Variants in ETS2 observed in about 807,000 individuals in gnomAD.
ETS2 encodes the protein ETS proto-oncogene 2, transcription factor.
A neutral mutation model predicts 54.9 loss-of-function variants in ETS2; 19 were observed. That is an observed-to-expected ratio of 0.35 (90% CI 0.24 to 0.51). ETS2 has a LOEUF of 0.51. ETS2 is among the 20% of genes least tolerant of loss of function. ETS2 has a pLI of 0.97. For missense variants in ETS2, 417 were observed against 593.0 expected (o/e 0.70, Z 3.08); for synonymous variants, 219 against 229.3 (o/e 0.95, Z 0.41).
chr21:38,809,861 C>T, intron 1 of ETS2, 174 bp from the exon 2 acceptor site: 2 of 543,916 alleles, frequency 3.7e-6, no homozygotes, highest in East Asian at 3.6e-5. Flanking sequence ...CTGAGAAATG[C>T]TTTCCTCTTG....
intron 3 of ETS2, among the ~76,000 whole-genome samples, chr21:38,813,446 T>C (rs1287852609): frequency 1.3e-5 from 2 of 151,976 alleles, no homozygotes; most frequent in African/African-American, 4.8e-5. Context: ...GACAGAAGAG[T>C]AGACATTAAA....
At chr21:38,817,142 T>A in intron 6 of ETS2, 51 bp downstream of exon 6, 2 of 1,229,744 alleles carry the variant, frequency 1.6e-6, no homozygotes, top group Non-Finnish European at 2.4e-6. Flanking sequence ...GTCTTCCCAG[T>A]AGACTTGGAA....
In ETS2 at chr21:38,812,987, C is replaced by G; in HGVS notation, c.73-16C>G. ...TAAATATTGTATTTCCATTTTTTTT[C>G]CATCTGTTTTTGCAGCGCCAGCCAG... On this transcript the variant is annotated splice_polypyrimidine_tract_variant and intron_variant, in intron 2 of 9. Transcript: ENST00000360938. The G allele has an allele frequency of 6.4e-7, 1 of 1,554,516 alleles. No individual in the cohort carries two copies. The highest frequency in any genetic ancestry group is 8.9e-7 in the Non-Finnish European group (1 of 1,129,432).
rs977794888 is a variant in ETS2 at position 38,821,511 on chromosome 21, A to G, written c.1076-75A>G. ...CTGCATTCCTAAATCAGCATGTACAATTAGGATGGTTAAAGACTTGCTGTA... is the reference window on the plus strand; with the variant it reads ...CTGCATTCCTAAATCAGCATGTACAGTTAGGATGGTTAAAGACTTGCTGTA... On this transcript the variant is annotated intron_variant, in intron 8 of 9. Coordinates refer to ENST00000360938, the MANE Select transcript of ETS2 (RefSeq NM_005239.6). The surrounding 1 kb of genome is among the most constrained non-coding windows in gnomAD (Gnocchi z 4.2). 9.4e-7 allele frequency: 1 copy of G among 1,065,572 alleles called. No homozygotes were observed. Among genetic ancestry groups the G allele is most frequent in the Admixed American group, 1.7e-5 (1 of 58,000 alleles). 66.0% of individuals were successfully genotyped at this position (1,065,572 alleles called of 1,614,324 possible).
intron 1 of ETS2, 57 bp from the exon 2 acceptor site, chr21:38,809,978 A>T: frequency 8.9e-7 from 1 of 1,128,944 alleles, no homozygotes; most frequent in South Asian, 1.5e-5. Flanking sequence ...GCCACCAATG[A>T]TGAGTTTAGT....
chr21:38,822,176 G>A (rs1030154115), intron 9 of ETS2, among the ~76,000 whole-genome samples: 5 of 152,180 alleles, frequency 3.3e-5, no homozygotes, highest in South Asian at 4.1e-4. Context: ...TACCAACCCC[G>A]CCAGAAAAGC....
intron 1 of ETS2, among the ~76,000 whole-genome samples, chr21:38,808,360 G>A (rs2060901238): frequency 6.6e-6 from 1 of 152,222 alleles, no homozygotes; most frequent in South Asian, 2.1e-4. Flanking sequence ...TGATTGTTGA[G>A]TGAATATAAG....
In ETS2 at chr21:38,810,113, G is replaced by T; in HGVS notation, c.72+7G>T. ...TTACAGAGGGACACTCAAGGTGAGTGGGCAAGTCTTAATTTTTTTTTTTAA... is the reference window on the plus strand; with the variant it reads ...TTACAGAGGGACACTCAAGGTGAGTTGGCAAGTCTTAATTTTTTTTTTTAA... On this transcript the variant is annotated splice_region_variant and intron_variant, in intron 2 of 9. Transcript: ENST00000360938. 1 of 1,502,346 alleles carries T rather than the reference G, an allele frequency of 6.7e-7. No homozygotes were observed. Among genetic ancestry groups the T allele is most frequent in the Non-Finnish European group, 8.9e-7 (1 of 1,127,484 alleles). The allele number at this position is 1,502,346 out of a possible 1,614,324, so 93.1% of individuals were successfully genotyped here.
Position 38,806,007 on chromosome 21 carries a change from C to A in ETS2, c.-114C>A. On this transcript the variant is annotated 5_prime_UTR_variant, in exon 1 of 10. Transcript: ENST00000360938. The surrounding 1 kb of genome is among the most constrained non-coding windows in gnomAD (Gnocchi z 4.3). ...CGGAGCCGCCCGGCCAGCGTCCGGC[C>A]TCCCTGATCGTCTCTGGCCGGCGCC... The A allele has an allele frequency of 7.9e-7, 1 of 1,262,808 alleles. No individual in the cohort carries two copies. The highest frequency in any genetic ancestry group is 1.0e-6 in the Non-Finnish European group (1 of 978,686). 78.2% of individuals were successfully genotyped at this position (1,262,808 alleles called of 1,614,324 possible).
chr21:38,819,752 T>G lies in ETS2; in HGVS notation c.1061T>G (p.Leu354Arg). The G allele has an allele frequency of 2.5e-6, 4 of 1,613,186 alleles. No homozygotes were observed. Among genetic ancestry groups the G allele is most frequent in the Non-Finnish European group, 3.4e-6 (4 of 1,179,710 alleles). ...AAACCAGTTATACCTGCAGCTGTGC[T>G]GGCCGGCTTCACAGGTGTGTGTGGA... is the stretch of plus-strand genomic sequence containing the variant. ...QGKPVIPAAV[L>R]AGFTGSGPIQ... Residue 354 changes from leucine (L) to arginine (R), a missense_variant, in exon 8 of 10, where the codon CTG (leucine) becomes CGG (arginine). Physicochemically the swap from Leu to Arg is moderately radical, Grantham distance 102 (BLOSUM62 -2). Around this residue, in one of 3 missense-constraint regions of ETS2, gnomAD observed 60 missense variants for 134.1 expected, o/e 0.45. Transcript: ENST00000360938.
At position 38,823,135 on chromosome 21, in the gene ETS2, A is replaced by G. The variant is rs711; in HGVS notation, c.*246A>G. 198,913 of 350,818 alleles carry G rather than the reference A, an allele frequency of 0.57. 58,082 individuals carry two copies. Among genetic ancestry groups the G allele is most frequent in the South Asian group, 0.83 (7,738 of 9,300 alleles). 21.7% of individuals were successfully genotyped at this position (350,818 alleles called of 1,614,324 possible). On this transcript the variant is annotated 3_prime_UTR_variant, in exon 10 of 10. Coordinates refer to ENST00000360938, the MANE Select transcript of ETS2 (RefSeq NM_005239.6). ...TGAAAATGGTCGAGAAAGAGGCACC[A>G]GGAAGCCGTCCTGGCGCCTGGCAGT...
rs1406073132 is a variant in ETS2 at position 38,821,735 on chromosome 21, C to T, written c.1194+31C>T. 1 of 1,486,490 alleles carries T rather than the reference C, an allele frequency of 6.7e-7. No homozygotes were observed. Among genetic ancestry groups the T allele is most frequent in the Non-Finnish European group, 9.4e-7 (1 of 1,065,506 alleles). 92.1% of individuals were successfully genotyped at this position (1,486,490 alleles called of 1,614,324 possible). A position where few individuals can be genotyped will look rare whatever the true frequency, so the allele number is the denominator to read the frequency against. ...GCCAGAGCCCTGGGAAATCTCTGGG[C>T]TTGAAAACCTGATTTCCTGCTTGCA... On this transcript the variant is annotated intron_variant, in intron 9 of 9. Coordinates refer to ENST00000360938, the MANE Select transcript of ETS2 (RefSeq NM_005239.6). This position sits in a 1 kb window ranked among gnomAD's most constrained non-coding sequence, Gnocchi z 4.2.
chr21:38,808,735 C>T (rs57740627), intron 1 of ETS2, among the ~76,000 whole-genome samples: 22,627 of 152,110 alleles, frequency 0.15, 2,141 homozygotes, highest in African/African-American at 0.26. Context: ...TTTGTTATTT[C>T]GCCACATCCA....
At chr21:38,807,243 A>G (rs531968692) in intron 1 of ETS2, among the ~76,000 whole-genome samples, 2 of 152,192 alleles carry the variant, frequency 1.3e-5, no homozygotes, top group African/African-American at 2.4e-5. Flanking sequence ...AAAGCAAACT[A>G]CCTTCAAATG....
Position 38,822,737 on chromosome 21 carries a change from G to A in ETS2, c.1258G>A (p.Gly420Ser). 6.2e-7 allele frequency: 1 copy of A among 1,614,132 alleles called. No homozygotes were observed. Among genetic ancestry groups the A allele is most frequent in the Non-Finnish European group, 8.5e-7 (1 of 1,180,000 alleles). ...GATGAACTACGAGAAGCTGAGCCGGGGCTTACGCTACTATTACGACAAGAA... is the reference window on the plus strand; with the variant it reads ...GATGAACTACGAGAAGCTGAGCCGGAGCTTACGCTACTATTACGACAAGAA... The part of the protein sequence containing the change: ...PKMNYEKLSR[G>S]LRYYYDKNII... Residue 420 changes from glycine (G) to serine (S), a missense_variant, in exon 10 of 10, where the codon GGC (glycine) becomes AGC (serine). Transcript: ENST00000360938.
In ETS2 at chr21:38,822,879, C is replaced by T. The variant is rs1263407730; in HGVS notation, c.1400C>T (p.Thr467Met). Reference sequence around the variant, plus strand: ...GCCATCCTGGGCGTCCAGCCCGACACGGAGGACTGAGGTCGCCGGGACCAC... The same window carrying T: ...GCCATCCTGGGCGTCCAGCCCGACATGGAGGACTGAGGTCGCCGGGACCAC... The part of the protein sequence containing the change: ...LHAILGVQPD[T>M]ED The change falls in exon 10 of 10, where the codon ACG becomes ATG. Residue 467 changes from threonine to methionine, a missense_variant. Transcript: ENST00000360938. 6.3e-7 allele frequency: 1 copy of T among 1,582,170 alleles called. No homozygotes were observed. The highest frequency in any genetic ancestry group is 1.7e-5 in the Admixed American group (1 of 57,578).
rs1601433207 is a variant in ETS2 at position 38,821,738 on chromosome 21, G to A, written c.1194+34G>A. ...AGAGCCCTGGGAAATCTCTGGGCTT[G>A]AAAACCTGATTTCCTGCTTGCATTC... On this transcript the variant is annotated intron_variant, in intron 9 of 9. Transcript: ENST00000360938. This position sits in a 1 kb window ranked among gnomAD's most constrained non-coding sequence, Gnocchi z 4.2. The A allele has an allele frequency of 6.8e-7, 1 of 1,473,376 alleles. No individual in the cohort carries two copies. Among genetic ancestry groups the A allele is most frequent in the Admixed American group, 1.7e-5 (1 of 58,914 alleles). 91.3% of individuals were successfully genotyped at this position (1,473,376 alleles called of 1,614,324 possible).
intron 2 of ETS2, among the ~76,000 whole-genome samples, chr21:38,810,837 C>T (rs113231408): frequency 7.2e-5 from 11 of 152,112 alleles, no homozygotes; most frequent in African/African-American, 2.2e-4. Context: ...TGATGATGTA[C>T]GTCTCTGGCA....
In ETS2 at chr21:38,808,590, A is replaced by ATGTGTGTGTGTGTGTGTG. The variant is rs56269044; in HGVS notation, c.1-1435_1-1418dup. Among the ~76,000 whole-genome samples the ATGTGTGTGTGTGTGTGTG allele has an allele frequency of 1.3e-3, 188 of 148,338 alleles. 2 individuals are homozygous for ATGTGTGTGTGTGTGTGTG. The highest frequency in any genetic ancestry group is 3.7e-3 in the African/African-American group (150 of 40,028). ...TTTTAGCCAAGAGGGGTGTGTGTGT[A>ATGTGTGTGTGTGTGTGTG]TGTGTGTGTGTGTGTGTGTGTGTGT... is the stretch of plus-strand genomic sequence containing the variant. On this transcript the variant is annotated intron_variant, in intron 1 of 9. Coordinates refer to ENST00000360938, the MANE Select transcript of ETS2 (RefSeq NM_005239.6).
Sources: allele counts gnomAD v4.1 joint callset (sites outside exome capture counted in the v4.1 genomes callset), GRCh38; gene constraint gnomAD v4.1.1; regional missense constraint gnomAD v4.1.1; non-coding constraint Gnocchi (gnomAD v3.1); transcripts MANE v1.5; gene names NCBI Gene and HGNC (gene_info 2026-07-23, HGNC 2026-07-21).